Variants in SGCZ observed in about 807,000 individuals in gnomAD.
SGCZ encodes the protein sarcoglycan zeta, also known as zeta-sarcoglycan.
SGCZ carries 40 observed loss-of-function variants against 41.3 expected under a neutral mutation model. The observed-to-expected ratio is 0.97, with a 90% CI of 0.75 to 1.26. SGCZ has a LOEUF of 1.26. Among genes scored for constraint, SGCZ ranks in the 50% most tolerant of loss-of-function variants. The probability of loss-of-function intolerance (pLI) is 0.00; values close to 1 mark genes in which losing one functional copy is unlikely to be tolerated. For missense variants in SGCZ, 552 were observed against 369.8 expected, an observed-to-expected ratio of 1.49 and a Z score of -4.04; for synonymous variants, 206 against 137.5, an observed-to-expected ratio of 1.50 and a Z score of -3.49.
At position 14,727,122 on chromosome 8, in the gene SGCZ, A is replaced by C. The variant is rs574298570; in HGVS notation, c.40-172196T>G. Among the ~76,000 whole-genome samples the C allele has an allele frequency of 2.0e-5, 3 of 152,308 alleles. No homozygotes were observed. In the East Asian group the frequency reaches 5.8e-4, roughly 29 times the overall value. ...CACATACAAGTAAATACCAAGAGAA[A>C]AACAAATCAAATAATATAAGTAAAT... On this transcript the variant is annotated intron_variant, in intron 1 of 7. Transcript: ENST00000382080.
At chr8:14,777,855 T>C (rs981249406) in intron 1 of SGCZ, among the ~76,000 whole-genome samples, 1 of 151,766 alleles carries the variant, frequency 6.6e-6, no homozygotes, top group Non-Finnish European at 1.5e-5. Flanking sequence ...ACAGAAGTTA[T>C]TTGTACATAT....
chr8:14,997,965 GA>G (rs534614236), intron 1 of SGCZ, among the ~76,000 whole-genome samples: 3,386 of 146,074 alleles, frequency 0.023, 136 homozygotes, highest in African/African-American at 0.078. Flanking sequence ...GTCACAAAAG[GA>G]AAAAAAAAAA....
chr8:14,300,996 G>A (rs141619478), intron 3 of SGCZ, among the ~76,000 whole-genome samples: 6 of 151,936 alleles, frequency 3.9e-5, no homozygotes, highest in East Asian at 3.9e-4. Context: ...CAGAAAGCTC[G>A]TATATATGAG....
At chr8:14,642,410 T>G (rs1807057264) in intron 1 of SGCZ, among the ~76,000 whole-genome samples, 1 of 151,574 alleles carries the variant, frequency 6.6e-6, no homozygotes, top group African/African-American at 2.4e-5. Flanking sequence ...ATCTCTTTCC[T>G]TATTGATGAT....
At chr8:14,235,736 G>C (rs542466261) in intron 4 of SGCZ, among the ~76,000 whole-genome samples, 2 of 152,252 alleles carry the variant, frequency 1.3e-5, no homozygotes, top group African/African-American at 4.8e-5. Context: ...CCAGGCTGGA[G>C]TGCAGTGGCC....
At chr8:14,851,715 A>T (rs1803332328) in intron 1 of SGCZ, among the ~76,000 whole-genome samples, 1 of 152,166 alleles carries the variant, frequency 6.6e-6, no homozygotes, top group Non-Finnish European at 1.5e-5. Context: ...TTTTCCATTT[A>T]TATATATCTA....
intron 1 of SGCZ, among the ~76,000 whole-genome samples, chr8:14,901,297 G>A (rs924009244): frequency 6.6e-6 from 1 of 152,126 alleles, no homozygotes; most frequent in African/African-American, 2.4e-5. Flanking sequence ...TTTATTATGA[G>A]TTGAAGGAAC....
rs192393977 is a variant in SGCZ at position 15,217,812 on chromosome 8, T to A, written c.39+19773A>T. Among the ~76,000 whole-genome samples, 48 of 152,240 alleles carry A rather than the reference T, an allele frequency of 3.2e-4. No homozygotes were observed. The East Asian group carries it at 5.4e-3, about 17-fold the overall frequency. On this transcript the variant is annotated intron_variant, in intron 1 of 7. Coordinates refer to ENST00000382080, the MANE Select transcript of SGCZ (RefSeq NM_139167.4). Reference sequence around the variant, plus strand: ...ACTTAAGAAACTAGGGCTCTGGCTGTGCGTGGCATTCATGCCTATAATCCC... The same window carrying A: ...ACTTAAGAAACTAGGGCTCTGGCTGAGCGTGGCATTCATGCCTATAATCCC...
In SGCZ at chr8:14,299,898, A is replaced by G. The variant is rs1013146603; in HGVS notation, c.336+24205T>C. 4.7e-4 allele frequency among the ~76,000 whole-genome samples: 71 copies of G among 152,170 alleles called. 1 individual carries two copies. Among genetic ancestry groups the G allele is most frequent in the African/African-American group, 1.7e-3 (69 of 41,564 alleles). ...TTTTGATATATTCTTACAATAAAAT[A>G]CTACTCATCAGTAATAAGTACTGCA... On this transcript the variant is annotated intron_variant, in intron 3 of 7. Transcript: ENST00000382080.
At chr8:14,606,454 AGTT>A (rs1244136884) in intron 1 of SGCZ, among the ~76,000 whole-genome samples, 2 of 152,134 alleles carry the variant, frequency 1.3e-5, no homozygotes, top group Non-Finnish European at 2.9e-5. Flanking sequence ...CTATGTATTA[AGTT>A]GTTGTTGAGA....
chr8:14,203,024 G>A (rs553843802), intron 4 of SGCZ, among the ~76,000 whole-genome samples: 128 of 152,242 alleles, frequency 8.4e-4, no homozygotes, highest in Non-Finnish European at 1.8e-3. Flanking sequence ...GAGTTTCCCT[G>A]TACAAGCTCT....
At chr8:14,524,990 A>G (rs1802895953) in intron 2 of SGCZ, among the ~76,000 whole-genome samples, 1 of 152,098 alleles carries the variant, frequency 6.6e-6, no homozygotes, top group South Asian at 2.1e-4. Context: ...TCTTTGCCTC[A>G]CCACTATTCT....
chr8:15,008,357 A>AT (rs1243360735), intron 1 of SGCZ, among the ~76,000 whole-genome samples: 2 of 151,714 alleles, frequency 1.3e-5, no homozygotes, highest in Non-Finnish European at 2.9e-5. Context: ...TTTCATTTTT[A>AT]TTTTTTATTG....
At chr8:14,703,062 G>C (rs1335039672) in intron 1 of SGCZ, among the ~76,000 whole-genome samples, 1 of 151,768 alleles carries the variant, frequency 6.6e-6, no homozygotes, top group Admixed American at 6.6e-5. Flanking sequence ...TTTTCCCTCT[G>C]GACTGTTAAC....
At chr8:15,084,478 C>T (rs1805874852) in intron 1 of SGCZ, among the ~76,000 whole-genome samples, 1 of 152,086 alleles carries the variant, frequency 6.6e-6, no homozygotes, top group Admixed American at 6.6e-5. Flanking sequence ...TAGCCAGGCA[C>T]GGTGGCTCAC....
At chr8:14,433,420 G>A (rs958456401) in intron 2 of SGCZ, among the ~76,000 whole-genome samples, 1 of 152,116 alleles carries the variant, frequency 6.6e-6, no homozygotes, top group African/African-American at 2.4e-5. Flanking sequence ...CATTTGGTAA[G>A]AACTAAAACT....
intron 1 of SGCZ, among the ~76,000 whole-genome samples, chr8:14,746,794 T>C (rs1429372209): frequency 1.3e-5 from 2 of 152,212 alleles, no homozygotes; most frequent in Non-Finnish European, 2.9e-5. Flanking sequence ...CCAAACAGTA[T>C]TTTTGTAAAA....
At chr8:14,967,610 C>T (rs1434890122) in intron 1 of SGCZ, among the ~76,000 whole-genome samples, 1 of 152,174 alleles carries the variant, frequency 6.6e-6, no homozygotes, top group African/African-American at 2.4e-5. Flanking sequence ...CTGTACTTTT[C>T]CATCCCAAAC....
At chr8:14,988,692 T>C (rs1240245468) in intron 1 of SGCZ, among the ~76,000 whole-genome samples, 3 of 152,142 alleles carry the variant, frequency 2.0e-5, no homozygotes, top group South Asian at 2.1e-4. Flanking sequence ...AACGTTATTA[T>C]ATATATTGTC....
Sources: gnomAD v4.1 joint callset for allele counts (sites outside exome capture counted in the v4.1 genomes callset) on GRCh38, gnomAD v4.1.1 for gene constraint, MANE v1.5 for transcripts, NCBI Gene and HGNC (gene_info 2026-07-23, HGNC 2026-07-21) for gene names.